The following BABAM2 variants were observed in gnomAD, a reference collection of about 807,000 sequenced individuals.
BABAM2 encodes the protein BRISC and BRCA1 A complex member 2.
Under a neutral mutation model 54.7 loss-of-function variants are expected in BABAM2, and 31 were observed. The observed-to-expected ratio is 0.57, with a 90% CI of 0.43 to 0.77. The LOEUF (loss-of-function observed/expected upper bound fraction) is 0.77. BABAM2 is among the 30% of genes least tolerant of loss of function. The pLI, the probability that BABAM2 is intolerant of heterozygous loss-of-function variation, is 0.00. For synonymous variants in BABAM2, 167 were observed against 162.9 expected, an observed-to-expected ratio of 1.03 and a Z score of -0.19; for missense variants, 364 against 455.8, an observed-to-expected ratio of 0.80 and a Z score of 1.83.
intron 6 of BABAM2, among the ~76,000 whole-genome samples, chr2:28,077,103 TA>T (rs1413471175): frequency 1.3e-5 from 2 of 152,176 alleles, no homozygotes; most frequent in Admixed American, 6.6e-5. Flanking sequence ...AGACAAACAC[TA>T]AAATTACCCA....
At chr2:28,020,316 G>T (rs979372508) in intron 4 of BABAM2, among the ~76,000 whole-genome samples, 1 of 152,156 alleles carries the variant, frequency 6.6e-6, no homozygotes, top group Non-Finnish European at 1.5e-5. Context: ...TAAAAGATGT[G>T]AAGTATGCTA....
chr2:28,159,218 C>T lies in BABAM2; in HGVS notation c.680+29838C>T, dbSNP rs541011430. On this transcript the variant is annotated intron_variant, in intron 7 of 11. Transcript: ENST00000379624. Reference sequence around the variant, plus strand: ...GACAGTCTACTGACACTTTTTAAGTCAGGATGGGAGGTTATGGAATAAGAT... The same window carrying T: ...GACAGTCTACTGACACTTTTTAAGTTAGGATGGGAGGTTATGGAATAAGAT... Among the ~76,000 whole-genome samples the T allele has an allele frequency of 5.8e-4, 88 of 152,180 alleles. No individual in the cohort carries two copies. The South Asian group carries it at 0.013, about 23-fold the overall frequency.
intron 2 of BABAM2, among the ~76,000 whole-genome samples, chr2:27,902,099 T>G (rs1321203316): frequency 6.6e-6 from 1 of 152,242 alleles, no homozygotes; most frequent in Non-Finnish European, 1.5e-5. Context: ...TTACACTGTT[T>G]AAATTATTTT....
intron 2 of BABAM2, among the ~76,000 whole-genome samples, chr2:27,915,968 T>C (rs1666939800): frequency 6.6e-6 from 1 of 152,204 alleles, no homozygotes; most frequent in Non-Finnish European, 1.5e-5. Flanking sequence ...TTCAAATTTA[T>C]TTTTTTAGAT....
At position 28,180,998 on chromosome 2, in the gene BABAM2, T is replaced by C. The variant is rs1451017717; in HGVS notation, c.680+51618T>C. 2.0e-5 allele frequency among the ~76,000 whole-genome samples: 3 copies of C among 152,288 alleles called. No individual in the cohort carries two copies. In the East Asian group the frequency reaches 5.8e-4, roughly 29 times the overall value. Reference sequence around the variant, plus strand: ...AGATGCAGAGAAAAGGGAACCCTTATGCACTGTCAGTAGGAATGTAAATTA... The same window carrying C: ...AGATGCAGAGAAAAGGGAACCCTTACGCACTGTCAGTAGGAATGTAAATTA... On this transcript the variant is annotated intron_variant, in intron 7 of 11. Transcript: ENST00000379624.
At chr2:28,115,949 T>C (rs1187125354) in intron 6 of BABAM2, among the ~76,000 whole-genome samples, 2 of 151,872 alleles carry the variant, frequency 1.3e-5, no homozygotes, top group African/African-American at 2.4e-5. Flanking sequence ...ACCACCTCTC[T>C]ACTAAAAATA....
At chr2:28,190,454 A>G (rs1226608196) in intron 7 of BABAM2, among the ~76,000 whole-genome samples, 1 of 152,196 alleles carries the variant, frequency 6.6e-6, no homozygotes, top group African/African-American at 2.4e-5. Context: ...TGGGAGCCCA[A>G]GGCAGGCAGA....
At chr2:28,223,701 G>A (rs1033135712) in intron 7 of BABAM2, among the ~76,000 whole-genome samples, 2 of 152,188 alleles carry the variant, frequency 1.3e-5, no homozygotes, top group Non-Finnish European at 2.9e-5. Flanking sequence ...TAGAAGAGCA[G>A]CAACTTTACC....
intron 7 of BABAM2, among the ~76,000 whole-genome samples, chr2:28,220,103 G>T (rs1005771843): frequency 6.6e-6 from 1 of 152,156 alleles, no homozygotes; most frequent in African/African-American, 2.4e-5. Context: ...TGGATCTTTT[G>T]ATGTTATACA....
At chr2:27,890,355 G>C (rs1422553099), upstream of BABAM2, 1 of 1,612,274 alleles carries the variant, frequency 6.2e-7, no homozygotes, top group African/African-American at 1.3e-5. The surrounding 1 kb of genome is among the most constrained non-coding windows in gnomAD (Gnocchi z 4.8). Flanking sequence ...TCGCTCAAAG[G>C]TGCTGCTGTC....
chr2:27,971,803 G>C (rs1671242951), intron 3 of BABAM2, among the ~76,000 whole-genome samples: 1 of 151,630 alleles, frequency 6.6e-6, no homozygotes, highest in Non-Finnish European at 1.5e-5. Context: ...ATCATAGAAA[G>C]GTTGAAAAAG....
At chr2:27,913,042 G>T (rs542292931) in intron 2 of BABAM2, among the ~76,000 whole-genome samples, 1 of 152,126 alleles carries the variant, frequency 6.6e-6, no homozygotes, top group African/African-American at 2.4e-5. Context: ...AGCATCTAAA[G>T]ATTCTTCAGA....
rs558148932 is a variant in BABAM2 at position 28,243,400 on chromosome 2, C to T, written c.852-1380C>T. On this transcript the variant is annotated intron_variant, in intron 9 of 11. Coordinates refer to ENST00000379624, the MANE Select transcript of BABAM2 (RefSeq NM_199191.3). The stretch of plus-strand genomic sequence containing the variant: ...TACAAAAATTAGCTGGGCGTGGTGG[C>T]GGGTGCCTGTAATCCCAGCTACTTG... Among the ~76,000 whole-genome samples the T allele has an allele frequency of 6.6e-5, 10 of 152,116 alleles. No individual in the cohort carries two copies. The East Asian group carries it at 1.2e-3, about 18-fold the overall frequency.
intron 4 of BABAM2, among the ~76,000 whole-genome samples, chr2:28,021,100 A>C (rs1344266861): frequency 6.6e-6 from 1 of 152,206 alleles, no homozygotes; most frequent in Non-Finnish European, 1.5e-5. Flanking sequence ...TTAAGATATA[A>C]ACATTGTTTC....
intron 7 of BABAM2, among the ~76,000 whole-genome samples, chr2:28,173,083 A>G (rs948822190): frequency 7.2e-5 from 11 of 152,166 alleles, no homozygotes; most frequent in African/African-American, 1.7e-4. Flanking sequence ...CCCTACCCTC[A>G]TAACATTATC....
At chr2:28,235,613 C>T (rs772988985) in intron 7 of BABAM2, among the ~76,000 whole-genome samples, 2 of 152,090 alleles carry the variant, frequency 1.3e-5, no homozygotes, top group Non-Finnish European at 2.9e-5. Flanking sequence ...GTATCACAAA[C>T]CCTAGACTGA....
chr2:27,966,734 C>G (rs1670870444), intron 3 of BABAM2, among the ~76,000 whole-genome samples: 1 of 152,214 alleles, frequency 6.6e-6, no homozygotes, highest in Admixed American at 6.5e-5. Flanking sequence ...CAGACTCTCC[C>G]AGGGCTCAGG....
intron 4 of BABAM2, among the ~76,000 whole-genome samples, chr2:28,010,092 G>A: frequency 6.6e-6 from 1 of 152,050 alleles, no homozygotes; most frequent in Admixed American, 6.6e-5. Flanking sequence ...GTAATCAAAG[G>A]GTCCTTATTT....
intron 11 of BABAM2, chr2:28,327,319 C>A: frequency 6.2e-7 from 1 of 1,613,772 alleles, no homozygotes; most frequent in Non-Finnish European, 8.5e-7. Flanking sequence ...GGGAGCAAGT[C>A]CTGGCCTTTG....
Sources: allele counts gnomAD v4.1 joint callset (sites outside exome capture counted in the v4.1 genomes callset), GRCh38; gene constraint gnomAD v4.1.1; non-coding constraint Gnocchi (gnomAD v3.1); transcripts MANE v1.5; gene names NCBI Gene and HGNC (gene_info 2026-07-23, HGNC 2026-07-21).